The following GRID2 variants were observed in gnomAD, a reference collection of about 807,000 sequenced individuals.
The protein encoded by GRID2 is glutamate receptor ionotropic, delta-2.
A neutral mutation model predicts 114.8 loss-of-function variants in GRID2; 33 were observed. The observed-to-expected ratio is 0.29, with a 90% CI of 0.22 to 0.38. The LOEUF (loss-of-function observed/expected upper bound fraction) is 0.38. Among genes scored for constraint, GRID2 ranks in the 10% least tolerant of loss-of-function variants. GRID2 has a pLI of 1.00. For synonymous variants in GRID2, 505 were observed against 449.9 expected, an observed-to-expected ratio of 1.12 and a Z score of -1.55; for missense variants, 1,184 against 1,257.7, an observed-to-expected ratio of 0.94 and a Z score of 0.89.
At chr4:93,657,190 C>A (rs1723098807) in intron 14 of GRID2, among the ~76,000 whole-genome samples, 1 of 152,046 alleles carries the variant, frequency 6.6e-6, no homozygotes, top group Non-Finnish European at 1.5e-5. Context: ...ATTTTTATTT[C>A]TTTTCACACA....
intron 2 of GRID2, among the ~76,000 whole-genome samples, chr4:93,064,634 C>T (rs568245704): frequency 2.0e-5 from 3 of 151,910 alleles, no homozygotes; most frequent in Non-Finnish European, 2.9e-5. Context: ...TTGTGAATTA[C>T]TAACTAAAAG....
intron 1 of GRID2, among the ~76,000 whole-genome samples, chr4:92,528,518 G>A (rs939147677): frequency 2.6e-5 from 4 of 151,736 alleles, no homozygotes; most frequent in African/African-American, 4.8e-5. Context: ...ATTAATATCC[G>A]TTCATTTAGA....
chr4:92,911,623 G>T (rs2149491420), intron 2 of GRID2, among the ~76,000 whole-genome samples: 1 of 151,704 alleles, frequency 6.6e-6, no homozygotes, highest in South Asian at 2.1e-4. Flanking sequence ...AACAATTGCT[G>T]GTGTGTCATG....
At position 93,774,122 on chromosome 4, in the gene GRID2, A is replaced by G. The variant is rs1734285205; in HGVS notation, c.*1624A>G. On this transcript the variant is annotated 3_prime_UTR_variant, in exon 16 of 16. Coordinates refer to ENST00000282020, the MANE Select transcript of GRID2 (RefSeq NM_001510.4). Reference sequence around the variant, plus strand: ...ATTAAAAGGTATATTCTTAAGATATATTATATTTTGATGCTAATTCTGTTC... The same window carrying G: ...ATTAAAAGGTATATTCTTAAGATATGTTATATTTTGATGCTAATTCTGTTC... The G allele has an allele frequency of 6.6e-6, 1 of 152,086 alleles. No homozygotes were observed. Among genetic ancestry groups the G allele is most frequent in the African/African-American group, 2.4e-5 (1 of 41,434 alleles). 9.4% of individuals were successfully genotyped at this position (152,086 alleles called of 1,614,324 possible).
chr4:92,354,838 T>A (rs1169426757), intron 1 of GRID2, among the ~76,000 whole-genome samples: 1 of 151,940 alleles, frequency 6.6e-6, no homozygotes, highest in Non-Finnish European at 1.5e-5. Flanking sequence ...AGATGAGAAA[T>A]CTTAAGGGGA....
At chr4:92,643,410 C>G (rs1731456461) in intron 2 of GRID2, among the ~76,000 whole-genome samples, 4 of 151,770 alleles carry the variant, frequency 2.6e-5, no homozygotes. Flanking sequence ...TCTCTCTTCT[C>G]TATGATTCCA....
chr4:92,912,492 G>GA (rs34299135), intron 2 of GRID2, among the ~76,000 whole-genome samples: 3 of 151,078 alleles, frequency 2.0e-5, no homozygotes, highest in East Asian at 3.9e-4. Flanking sequence ...GATATGTACA[G>GA]AAAAAAAATG....
chr4:93,504,298 T>G (rs1728420836), intron 12 of GRID2, among the ~76,000 whole-genome samples: 1 of 152,086 alleles, frequency 6.6e-6, no homozygotes, highest in African/African-American at 2.4e-5. Context: ...GTAGGCCATA[T>G]GCAAGGTAGT....
chr4:93,605,594 A>C (rs1578376803), intron 13 of GRID2, among the ~76,000 whole-genome samples: 1 of 152,174 alleles, frequency 6.6e-6, no homozygotes, highest in Non-Finnish European at 1.5e-5. Context: ...ATGAATAGGG[A>C]GTTCAAGGTA....
chr4:92,913,339 C>G (rs1436934953), intron 2 of GRID2, among the ~76,000 whole-genome samples: 2 of 151,786 alleles, frequency 1.3e-5, no homozygotes, highest in Non-Finnish European at 3.0e-5. Context: ...AATTAGAAAA[C>G]TTGTGTTTTA....
chr4:93,732,520 T>C (rs887123699), intron 14 of GRID2, among the ~76,000 whole-genome samples: 1 of 152,214 alleles, frequency 6.6e-6, no homozygotes, highest in African/African-American at 2.4e-5. Flanking sequence ...TACAGGAATA[T>C]ATTTTATTTC....
At chr4:93,605,640 A>G (rs1740154347) in intron 13 of GRID2, among the ~76,000 whole-genome samples, 1 of 152,176 alleles carries the variant, frequency 6.6e-6, no homozygotes, top group Non-Finnish European at 1.5e-5. Flanking sequence ...AAAGAAAGTG[A>G]ATAATTCTTC....
intron 1 of GRID2, among the ~76,000 whole-genome samples, chr4:92,577,391 G>A (rs1727947801): frequency 6.6e-6 from 1 of 152,178 alleles, no homozygotes; most frequent in Non-Finnish European, 1.5e-5. Context: ...TAAGTCAACT[G>A]TTATCACCAA....
At chr4:92,714,203 C>T (rs376479674) in intron 2 of GRID2, among the ~76,000 whole-genome samples, 640 of 152,296 alleles carry the variant, frequency 4.2e-3, no homozygotes, top group African/African-American at 0.015. Context: ...CGTCCAAAAT[C>T]CAGTGAGGCA....
chr4:93,044,947 C>T (rs1725987191), intron 2 of GRID2, among the ~76,000 whole-genome samples: 1 of 152,012 alleles, frequency 6.6e-6, no homozygotes, highest in South Asian at 2.1e-4. Context: ...TAAATAAATG[C>T]TAATGAAGAT....
At chr4:93,322,046 T>A (rs1757279892) in intron 8 of GRID2, among the ~76,000 whole-genome samples, 1 of 151,906 alleles carries the variant, frequency 6.6e-6, no homozygotes, top group Admixed American at 6.6e-5. Flanking sequence ...TTCTTTTTTT[T>A]TCTTTTTTTT....
intron 8 of GRID2, among the ~76,000 whole-genome samples, chr4:93,367,345 T>C (rs1762442648): frequency 6.6e-6 from 1 of 152,016 alleles, no homozygotes; most frequent in South Asian, 2.1e-4. Flanking sequence ...TTTAGTTGCC[T>C]CTCTCCTTGG....
chr4:93,633,926 C>T (rs1359952179), intron 14 of GRID2, among the ~76,000 whole-genome samples: 1 of 152,106 alleles, frequency 6.6e-6, no homozygotes, highest in African/African-American at 2.4e-5. Context: ...CCATTGATTG[C>T]CCACTTAGTA....
intron 1 of GRID2, among the ~76,000 whole-genome samples, chr4:92,450,630 A>C (rs1419581864): frequency 2.0e-5 from 3 of 151,898 alleles, no homozygotes; most frequent in African/African-American, 7.3e-5. Context: ...TAGTTTTAGC[A>C]CAATGAGACT....
Sources: allele counts gnomAD v4.1 joint callset (sites outside exome capture counted in the v4.1 genomes callset), GRCh38; gene constraint gnomAD v4.1.1; transcripts MANE v1.5; gene names NCBI Gene and HGNC (gene_info 2026-07-23, HGNC 2026-07-21).